VPS50: variants seen among roughly 807,000 people sequenced by gnomAD.
The protein encoded by VPS50 is syndetin.
Under a neutral mutation model 139.7 loss-of-function variants are expected in VPS50, and 70 were observed. That is an observed-to-expected ratio of 0.50 (90% CI 0.41 to 0.61). VPS50 has a LOEUF of 0.61. VPS50 is among the 20% of genes least tolerant of loss of function. VPS50 has a pLI of 0.00. For missense variants in VPS50, 921 were observed against 1,133.7 expected (o/e 0.81, Z 2.69); for synonymous variants, 365 against 376.7 (o/e 0.97, Z 0.36).
rs1472940011 is a variant in VPS50, at chr7:93,353,750, T to C, written c.2574T>C (p.Thr858=). Residue 858 remains threonine, a synonymous_variant, in exon 26 of 28, where the codon ACT becomes ACC. Transcript: ENST00000305866. ...ATTGTATACGATTGGCTAATCGAAC[T>C]ATTGTAGAAGGGTAAGTTTTTCATG... ...WEHCIRLANR[T]IVEGYANVKK... is the part of the protein sequence containing the mutation. 5.0e-6 allele frequency: 8 copies of C among 1,606,228 alleles called. No homozygotes were observed. The highest frequency in any genetic ancestry group is 2.2e-5 in the East Asian group (1 of 44,754).
chr7:93,326,676 A>C (rs997830140), intron 21 of VPS50, among the ~76,000 whole-genome samples: 2 of 151,950 alleles, frequency 1.3e-5, no homozygotes, highest in African/African-American at 4.8e-5. Flanking sequence ...TAGGCAGGTA[A>C]CTAATTTGAT....
chr7:93,262,097 T>C (rs1045081174), intron 9 of VPS50, among the ~76,000 whole-genome samples: 29 of 152,072 alleles, frequency 1.9e-4, no homozygotes, highest in African/African-American at 6.8e-4. Context: ...GAAAATAAAA[T>C]AGCATAATAA....
chr7:93,297,936 C>G (rs1796858935), intron 16 of VPS50, among the ~76,000 whole-genome samples: 1 of 152,056 alleles, frequency 6.6e-6, no homozygotes, highest in Non-Finnish European at 1.5e-5. Context: ...ACTTTTTATT[C>G]TGAACTTTTA....
chr7:93,353,603 A>G (rs1584499718), intron 25 of VPS50, 37 bp from the exon 26 acceptor site: 5 of 1,588,294 alleles, frequency 3.1e-6, no homozygotes, highest in Admixed American at 1.8e-5. Flanking sequence ...TGGCATTTTA[A>G]TGATATTCAC....
At chr7:93,339,006 A>G (rs1337179570) in intron 22 of VPS50, among the ~76,000 whole-genome samples, 1 of 152,186 alleles carries the variant, frequency 6.6e-6, no homozygotes, top group Non-Finnish European at 1.5e-5. Context: ...AAGGTGAGGA[A>G]GAAGGGGAGT....
chr7:93,341,668 C>T (rs1036775414), intron 23 of VPS50, 93 bp downstream of exon 23: 3 of 712,952 alleles, frequency 4.2e-6, no homozygotes, highest in South Asian at 4.4e-5. Context: ...TAGCTGCATA[C>T]ATCTACCACT....
At position 93,294,723 on chromosome 7, in the gene VPS50, A is replaced by G. The variant is rs141723841; in HGVS notation, c.1167+87A>G. ...AGAAATTCAGTTTTAAGTTTTCTAT[A>G]TATGTATTCTTTGCAGATTTAATCA... On this transcript the variant is annotated intron_variant, in intron 14 of 27. Coordinates refer to ENST00000305866, the MANE Select transcript of VPS50 (RefSeq NM_017667.4). 407 of 981,946 alleles carry G rather than the reference A, an allele frequency of 4.1e-4. 1 individual carries two copies. In the African/African-American group the frequency reaches 6.1e-3, roughly 15 times the overall value. 60.8% of individuals were successfully genotyped at this position (981,946 alleles called of 1,614,324 possible). A position where few individuals can be genotyped will look rare whatever the true frequency, so the allele number is the denominator to read the frequency against.
At chr7:93,322,105 G>A (rs1797630753) in intron 20 of VPS50, among the ~76,000 whole-genome samples, 6 of 152,068 alleles carry the variant, frequency 3.9e-5, no homozygotes, top group Admixed American at 3.9e-4. Flanking sequence ...AATCTGAGTT[G>A]AGTAGTTTTT....
In VPS50 at chr7:93,294,583, G is replaced by T; in HGVS notation, c.1114G>T (p.Asp372Tyr). 1.9e-6 allele frequency: 3 copies of T among 1,599,786 alleles called. No homozygotes were observed. Among genetic ancestry groups the T allele is most frequent in the South Asian group, 1.1e-5 (1 of 87,538 alleles). Reference sequence around the variant, plus strand: ...GATAGGTACTGAAGAAACTAATTTTGATCGTGGCTACATAAAAAAGAAATT... The same window carrying T: ...GATAGGTACTGAAGAAACTAATTTTTATCGTGGCTACATAAAAAAGAAATT... ...NMIGTEETNF[D>Y]RGYIKKKLEH... Residue 372 changes from aspartate (D) to tyrosine (Y), a missense_variant, in exon 14 of 28, where the codon GAT (aspartate) becomes TAT (tyrosine). Transcript: ENST00000305866.
intron 8 of VPS50, among the ~76,000 whole-genome samples, chr7:93,258,719 GA>G (rs1795571270): frequency 6.6e-6 from 1 of 151,986 alleles, no homozygotes; most frequent in African/African-American, 2.4e-5. Context: ...AGGAATGTGT[GA>G]TACTTTAGTT....
At chr7:93,298,571 G>A (rs563648770) in intron 16 of VPS50, among the ~76,000 whole-genome samples, 4 of 152,292 alleles carry the variant, frequency 2.6e-5, no homozygotes, top group Non-Finnish European at 4.4e-5. Context: ...TCTAGGATGT[G>A]TGTACAATAT....
At chr7:93,330,947 C>T (rs1055142266) in intron 21 of VPS50, among the ~76,000 whole-genome samples, 1 of 151,596 alleles carries the variant, frequency 6.6e-6, no homozygotes. Flanking sequence ...TAGCAAACTC[C>T]TAGAATATAA....
intron 23 of VPS50, among the ~76,000 whole-genome samples, chr7:93,348,102 A>G (rs17711548): frequency 0.14 from 21,918 of 152,210 alleles, 1,743 homozygotes; most frequent in South Asian, 0.2. Context: ...AATATAACAT[A>G]AGAGTTTTTG....
At chr7:93,311,067 TTAAA>T (rs1178276007) in intron 19 of VPS50, 95 bp from the exon 20 acceptor site, 6 of 708,938 alleles carry the variant, frequency 8.5e-6, no homozygotes, top group African/African-American at 5.4e-5. Flanking sequence ...AAGATTTTCA[TTAAA>T]TAATTAGTTA....
At chr7:93,313,217 A>G (rs893804541) in intron 20 of VPS50, among the ~76,000 whole-genome samples, 3 of 152,170 alleles carry the variant, frequency 2.0e-5, no homozygotes, top group African/African-American at 7.2e-5. Flanking sequence ...AAAGCAAGTC[A>G]GGCTTGGCAA....
chr7:93,343,902 T>C (rs1355857875), intron 23 of VPS50, among the ~76,000 whole-genome samples: 1 of 152,120 alleles, frequency 6.6e-6, no homozygotes, highest in Non-Finnish European at 1.5e-5. Flanking sequence ...CCATCCAGAC[T>C]AGGAAGAAAC....
At position 93,328,810 on chromosome 7, in the gene VPS50, G is replaced by A. The variant is rs373005322; in HGVS notation, c.1977+5078G>A. On this transcript the variant is annotated intron_variant, in intron 21 of 27. Transcript: ENST00000305866. The stretch of plus-strand genomic sequence containing the variant: ...TGAAAATAGTGGAGGACGCTCAGAA[G>A]AAAAAAATCCAGAGAGAGGATTTCC... 2.3e-4 allele frequency among the ~76,000 whole-genome samples: 35 copies of A among 152,084 alleles called. No individual in the cohort carries two copies. The East Asian group carries it at 2.9e-3, about 13-fold the overall frequency.
intron 20 of VPS50, chr7:93,320,874 A>G (rs765137300): frequency 1.3e-5 from 2 of 152,420 alleles, no homozygotes; most frequent in Non-Finnish European, 1.5e-5. Context: ...GATTCTAAGT[A>G]GTTACTGTCC....
intron 22 of VPS50, 101 bp downstream of exon 22, chr7:93,334,298 T>C: frequency 1.4e-6 from 1 of 706,500 alleles, no homozygotes; most frequent in African/African-American, 1.8e-5. Flanking sequence ...ATTGAGTAGC[T>C]GAGTCCTCAG....
Sources: gnomAD v4.1 joint callset for allele counts (sites outside exome capture counted in the v4.1 genomes callset) on GRCh38, gnomAD v4.1.1 for gene constraint, MANE v1.5 for transcripts, NCBI Gene and HGNC (gene_info 2026-07-23, HGNC 2026-07-21) for gene names.